Variants in CCDC175 observed in about 807,000 individuals in gnomAD.
The protein encoded by CCDC175 is coiled-coil domain-containing protein 175.
A neutral mutation model predicts 114.6 loss-of-function variants in CCDC175; 100 were observed. That is an observed-to-expected ratio of 0.87 (90% CI 0.74 to 1.03). CCDC175 has a LOEUF of 1.03. CCDC175 is among the 50% of genes least tolerant of loss of function. The pLI, the probability that CCDC175 is intolerant of heterozygous loss-of-function variation, is 0.00. For missense variants in CCDC175, 880 were observed against 917.8 expected (o/e 0.96, Z 0.53); for synonymous variants, 306 against 308.7 (o/e 0.99, Z 0.09).
At chr14:59,544,721 G>GT (rs1464627224) in intron 9 of CCDC175, among the ~76,000 whole-genome samples, 6 of 152,288 alleles carry the variant, frequency 3.9e-5, no homozygotes, top group Non-Finnish European at 8.8e-5. Flanking sequence ...GGAACATTGT[G>GT]GGGCATTAGT....
chr14:59,533,042 G>T (rs938022822), intron 13 of CCDC175, among the ~76,000 whole-genome samples: 1 of 152,196 alleles, frequency 6.6e-6, no homozygotes, highest in East Asian at 1.9e-4. Context: ...TTATTGGGAG[G>T]TGTCTGCACA....
At chr14:59,554,591 CAGA>C (rs1895749379) in intron 7 of CCDC175, among the ~76,000 whole-genome samples, 1 of 152,060 alleles carries the variant, frequency 6.6e-6, no homozygotes, top group Admixed American at 6.5e-5. Flanking sequence ...CAAAAGCTAG[CAGA>C]AGGTGAGAAA....
intron 8 of CCDC175, among the ~76,000 whole-genome samples, chr14:59,550,929 C>T (rs1406601139): frequency 2.6e-5 from 4 of 152,160 alleles, no homozygotes; most frequent in African/African-American, 9.7e-5. Flanking sequence ...ATCCTTTGAT[C>T]TAGTCAAGTT....
At chr14:59,570,726 G>T (rs1200258943) in intron 3 of CCDC175, among the ~76,000 whole-genome samples, 1 of 109,276 alleles carries the variant, frequency 9.2e-6, no homozygotes, top group Admixed American at 1.0e-4. Context: ...TTGGAATTAA[G>T]CCTCTCTCTT....
intron 13 of CCDC175, among the ~76,000 whole-genome samples, chr14:59,533,924 G>A (rs983509131): frequency 6.6e-6 from 1 of 150,674 alleles, no homozygotes; most frequent in Admixed American, 6.6e-5. Context: ...GGGAGGCGGA[G>A]GTTGCAGTGA....
At chr14:59,545,005 C>T (rs553280630) in intron 9 of CCDC175, among the ~76,000 whole-genome samples, 158 bp downstream of exon 9, 1 of 152,296 alleles carries the variant, frequency 6.6e-6, no homozygotes, top group South Asian at 2.1e-4. Context: ...GCAGCCTGAG[C>T]TGCTGAGACA....
chr14:59,544,927 C>A (rs566362190), intron 9 of CCDC175, among the ~76,000 whole-genome samples: 4 of 152,300 alleles, frequency 2.6e-5, no homozygotes, highest in Admixed American at 2.6e-4. Context: ...CTCAGACTTC[C>A]AGCCTCCAGA....
At chr14:59,536,077 A>G (rs74905326) in intron 13 of CCDC175, among the ~76,000 whole-genome samples, 16 of 152,198 alleles carry the variant, frequency 1.1e-4, no homozygotes, top group Non-Finnish European at 2.1e-4. Context: ...CAATCTTGTC[A>G]TAGATACTTC....
Position 59,551,355 on chromosome 14 carries a change from C to T in CCDC175, c.1035G>A (p.Gln345=), listed in dbSNP as rs1054120612. The stretch of plus-strand genomic sequence containing the variant: ...AAAGTCATGACTTCTGCCTTCTTAC[C>T]TGTTTTATCTTGTTCAGGAATTCAT... The part of the protein sequence containing the change: ...EKNEFLNKIK[Q]LVETLHAARM... Residue 345 remains glutamine, a splice_region_variant and synonymous_variant, in exon 8 of 20, where the codon CAG becomes CAA. Transcript: ENST00000537690. The T allele has an allele frequency of 1.5e-6, 2 of 1,303,826 alleles. No homozygotes were observed. The highest frequency in any genetic ancestry group is 2.1e-6 in the Non-Finnish European group (2 of 975,200). The allele number at this position is 1,303,826 out of a possible 1,614,324, so 80.8% of individuals were successfully genotyped here.
chr14:59,518,696 A>G (rs930128085), intron 17 of CCDC175, among the ~76,000 whole-genome samples: 15 of 152,206 alleles, frequency 9.9e-5, no homozygotes, highest in African/African-American at 3.4e-4. Context: ...ATGGAGAAAC[A>G]GGAACACTTT....
At chr14:59,547,882 T>A (rs1369502519) in intron 8 of CCDC175, among the ~76,000 whole-genome samples, 3 of 152,204 alleles carry the variant, frequency 2.0e-5, no homozygotes, top group Non-Finnish European at 4.4e-5. Flanking sequence ...ATATTTATGG[T>A]TTATGTATTG....
chr14:59,552,488 C>A (rs961061591), intron 7 of CCDC175, among the ~76,000 whole-genome samples: 1 of 152,078 alleles, frequency 6.6e-6, no homozygotes, highest in African/African-American at 2.4e-5. Context: ...CATCATAGAC[C>A]AAAGGTAGAT....
chr14:59,514,903 G>A (rs1892982528), intron 17 of CCDC175, among the ~76,000 whole-genome samples: 1 of 152,134 alleles, frequency 6.6e-6, no homozygotes, highest in Non-Finnish European at 1.5e-5. Context: ...AAAATGTTAA[G>A]GGCAGCCAGA....
At chr14:59,542,797 C>T (rs1190722268) in intron 10 of CCDC175, among the ~76,000 whole-genome samples, 2 of 151,968 alleles carry the variant, frequency 1.3e-5, no homozygotes, top group Admixed American at 6.6e-5. Context: ...TTATCATCCT[C>T]CTAGGTATAA....
chr14:59,541,295 C>T (rs1894769320), intron 10 of CCDC175, among the ~76,000 whole-genome samples: 1 of 152,118 alleles, frequency 6.6e-6, no homozygotes, highest in Admixed American at 6.6e-5. Context: ...GTTTCTTGAA[C>T]TGGGGAAAAG....
intron 16 of CCDC175, among the ~76,000 whole-genome samples, chr14:59,522,973 A>G (rs1410872260): frequency 6.6e-6 from 1 of 152,212 alleles, no homozygotes; most frequent in East Asian, 1.9e-4. Flanking sequence ...GTTTAGAGTA[A>G]AGAGATGCAA....
Position 59,565,279 on chromosome 14 carries a change from G to A in CCDC175, c.492-4C>T, listed in dbSNP as rs1454138328. On this transcript the variant is annotated splice_region_variant and splice_polypyrimidine_tract_variant and intron_variant, in intron 4 of 19. Transcript: ENST00000537690. Reference sequence around the variant, plus strand: ...TGCTAGCTCTTCCTGCTTCTCCCTGGGAGGAAAGAATTGCTCACAGAGTGA... The same window carrying A: ...TGCTAGCTCTTCCTGCTTCTCCCTGAGAGGAAAGAATTGCTCACAGAGTGA... 2.0e-6 allele frequency: 3 copies of A among 1,533,872 alleles called. No individual in the cohort carries two copies. The highest frequency in any genetic ancestry group is 2.0e-5 in the Admixed American group (1 of 50,436).
At position 59,565,139 on chromosome 14, in the gene CCDC175, C is replaced by T. The variant is rs946754954; in HGVS notation, c.628G>A (p.Ala210Thr). The change falls in exon 5 of 20, where the codon GCA (alanine) becomes ACA (threonine). Residue 210 changes from alanine to threonine, a missense_variant. Ala to Thr is a moderately conservative substitution (Grantham distance 58). Coordinates refer to ENST00000537690, the MANE Select transcript of CCDC175 (RefSeq NM_001164399.2). ...TCTTGAATACATTTTTTTTGCAATG[C>T]TATGTCTTCTCTCTTCAAGTTTATT... ...TKINLKREDI[A>T]LQKKCIQEAE... The T allele has an allele frequency of 3.9e-5, 60 of 1,537,580 alleles. No homozygotes were observed. Among genetic ancestry groups the T allele is most frequent in the Non-Finnish European group, 5.0e-5 (57 of 1,146,946 alleles).
intron 17 of CCDC175, among the ~76,000 whole-genome samples, chr14:59,513,084 G>C (rs2139957647): frequency 6.6e-6 from 1 of 152,246 alleles, no homozygotes; most frequent in South Asian, 2.1e-4. Context: ...CAAAAGCATA[G>C]TCTTTTCAAA....
Sources: allele counts gnomAD v4.1 joint callset (sites outside exome capture counted in the v4.1 genomes callset), GRCh38; gene constraint gnomAD v4.1.1; transcripts MANE v1.5; gene names NCBI Gene and HGNC (gene_info 2026-07-23, HGNC 2026-07-21).